Variants in MARCHF4 observed in about 807,000 individuals in gnomAD.
MARCHF4 encodes E3 ubiquitin-protein ligase MARCHF4.
In MARCHF4, 14 loss-of-function variants were observed where a neutral mutation model predicts 43.9. That is an observed-to-expected ratio of 0.32 (90% CI 0.21 to 0.50). The LOEUF (loss-of-function observed/expected upper bound fraction) is 0.50. MARCHF4 is among the 20% of genes least tolerant of loss of function. The pLI, the probability that MARCHF4 is intolerant of heterozygous loss-of-function variation, is 0.98. For synonymous variants in MARCHF4, 226 were observed against 213.3 expected (o/e 1.06, Z -0.52); for missense variants, 468 against 536.7 (o/e 0.87, Z 1.27).
At chr2:216,307,865 C>A (rs1691615460) in intron 1 of MARCHF4, among the ~76,000 whole-genome samples, 1 of 151,898 alleles carries the variant, frequency 6.6e-6, no homozygotes. Context: ...GGCAACATGG[C>A]AAGACCCCTA....
chr2:216,333,673 A>G (rs1692114503), intron 1 of MARCHF4, among the ~76,000 whole-genome samples: 1 of 152,196 alleles, frequency 6.6e-6, no homozygotes, highest in South Asian at 2.1e-4. Flanking sequence ...GTCTCCCTGC[A>G]CTAAAATAAT....
At chr2:216,362,443 A>G (rs1692598730) in intron 1 of MARCHF4, among the ~76,000 whole-genome samples, 1 of 152,246 alleles carries the variant, frequency 6.6e-6, no homozygotes, top group Non-Finnish European at 1.5e-5. Context: ...GGGTGGCTTC[A>G]AGAGGGTTCT....
chr2:216,332,519 C>T (rs1692095056), intron 1 of MARCHF4, among the ~76,000 whole-genome samples: 1 of 148,248 alleles, frequency 6.7e-6, no homozygotes, highest in Admixed American at 6.7e-5. Flanking sequence ...CGTGCCAGTG[C>T]AAAAAAAAAG....
chr2:216,287,136 C>G lies in MARCHF4; in HGVS notation c.517-3407G>C, dbSNP rs1691229738. Reference sequence around the variant, plus strand: ...CCAGGTCCCACCCCAATTCCTGGCCCAGCTCAGACCCTCAGCCAAGTCTCC... The same window carrying G: ...CCAGGTCCCACCCCAATTCCTGGCCGAGCTCAGACCCTCAGCCAAGTCTCC... On this transcript the variant is annotated intron_variant, in intron 1 of 3. Transcript: ENST00000273067. Among the ~76,000 whole-genome samples, 5 of 152,164 alleles carry G rather than the reference C, an allele frequency of 3.3e-5. No homozygotes were observed. In the South Asian group the frequency reaches 1.0e-3, roughly 32 times the overall value.
intron 1 of MARCHF4, among the ~76,000 whole-genome samples, chr2:216,324,993 G>A (rs1425799078): frequency 2.6e-5 from 4 of 151,574 alleles, no homozygotes; most frequent in Admixed American, 6.6e-5. Context: ...GGAAATAAAG[G>A]GTATTCAATT....
intron 2 of MARCHF4, among the ~76,000 whole-genome samples, chr2:216,279,685 C>T (rs1325593910): frequency 6.6e-6 from 1 of 152,230 alleles, no homozygotes; most frequent in African/African-American, 2.4e-5. Flanking sequence ...AAACATTTCA[C>T]TTGCTGGTCC....
Position 216,259,457 on chromosome 2 carries a change from TGGGCAGGGCCCTGCTCAG to T in MARCHF4, c.1070_1087del (p.Pro357_Ala362del), listed in dbSNP as rs780064681. 1 of 1,614,102 alleles carries T rather than the reference TGGGCAGGGCCCTGCTCAG, an allele frequency of 6.2e-7. No homozygotes were observed. On this transcript the variant is annotated inframe_deletion, in exon 4 of 4. Transcript: ENST00000273067. ...AGGGCCTGAGGGGTGGCCGGCAGCC[TGGGCAGGGCCCTGCTCAG>T]GGGCAGGGGTGCCTGCGGTCTCCTC... is the stretch of plus-strand genomic sequence containing the variant.
chr2:216,326,202 A>G (rs1275127437), intron 1 of MARCHF4, among the ~76,000 whole-genome samples: 5 of 152,238 alleles, frequency 3.3e-5, no homozygotes, highest in African/African-American at 9.6e-5. Flanking sequence ...CAAAAACCAC[A>G]TGAAAAAATG....
rs1407590625 is a variant in MARCHF4, at chr2:216,283,727, C to T, written c.519G>A (p.Gly173=). Residue 173 remains glycine (G), a splice_region_variant and synonymous_variant, in exon 2 of 4, where the codon GGG becomes GGA. Coordinates refer to ENST00000273067, the MANE Select transcript of MARCHF4 (RefSeq NM_020814.3). ...CACAGCGGCATGGGCTCAGCAGCTC[C>T]CCCTGCAGGGAGAGAGCACAGGGTG... The part of the protein sequence containing the change: ...CRICFQGPEQ[G]ELLSPCRCDG... The T allele has an allele frequency of 1.2e-6, 2 of 1,601,228 alleles. No homozygotes were observed. Among genetic ancestry groups the T allele is most frequent in the Non-Finnish European group, 8.5e-7 (1 of 1,169,990 alleles).
chr2:216,294,431 C>T (rs1165698439), intron 1 of MARCHF4, among the ~76,000 whole-genome samples: 1 of 152,238 alleles, frequency 6.6e-6, no homozygotes, highest in East Asian at 1.9e-4. Context: ...GCTGTGATGA[C>T]AAGTTACACT....
chr2:216,311,910 C>T lies in MARCHF4; in HGVS notation c.517-28181G>A, dbSNP rs116825409. Among the ~76,000 whole-genome samples, 312 of 152,154 alleles carry T rather than the reference C, an allele frequency of 2.1e-3. 2 individuals carry two copies. Among genetic ancestry groups the T allele is most frequent in the African/African-American group, 7.3e-3 (303 of 41,514 alleles). The stretch of plus-strand genomic sequence containing the variant: ...ATTAGGAGCAAATGGTATCCAATTG[C>T]TGTTTTAAGTTGTATACATTGATTA... On this transcript the variant is annotated intron_variant, in intron 1 of 3. Transcript: ENST00000273067.
Position 216,369,834 on chromosome 2 carries a change from TCTC to T in MARCHF4, c.424_426del (p.Glu142del), listed in dbSNP as rs763759229. ...CCCAGTGAGTAGCGATCCTCGGTCT[TCTC>T]CTTACAGAAGTCATCTGAGGAGGCA... On this transcript the variant is annotated inframe_deletion, in exon 1 of 4. Transcript: ENST00000273067. 39 of 1,613,900 alleles carry T rather than the reference TCTC, an allele frequency of 2.4e-5. No homozygotes were observed. The highest frequency in any genetic ancestry group is 3.0e-5 in the Non-Finnish European group (35 of 1,180,018).
At chr2:216,317,422 T>G (rs59856444) in intron 1 of MARCHF4, among the ~76,000 whole-genome samples, 2 of 26,812 alleles carry the variant, frequency 7.5e-5, no homozygotes, top group African/African-American at 4.1e-4. Flanking sequence ...TCCTTTTTTG[T>G]TTTTTTTTAG....
chr2:216,341,243 C>G (rs1262551859), intron 1 of MARCHF4, among the ~76,000 whole-genome samples: 12 of 152,220 alleles, frequency 7.9e-5, no homozygotes, highest in Admixed American at 7.9e-4. Flanking sequence ...TTTCCATTGT[C>G]TGAGAAATAA....
intron 3 of MARCHF4, among the ~76,000 whole-genome samples, chr2:216,269,118 T>G (rs1322022186): frequency 2.6e-5 from 4 of 152,200 alleles, no homozygotes; most frequent in African/African-American, 7.2e-5. Flanking sequence ...GAACATTCCT[T>G]TCCTTCCTTC....
Position 216,259,482 on chromosome 2 carries a change from G to A in MARCHF4, c.1063C>T (p.Pro355Ser), listed in dbSNP as rs1373509442. 2 of 1,614,190 alleles carry A rather than the reference G, an allele frequency of 1.2e-6. No homozygotes were observed. Among genetic ancestry groups the A allele is most frequent in the South Asian group, 1.1e-5 (1 of 91,084 alleles). The change falls in exon 4 of 4, where the codon CCT becomes TCT. Residue 355 changes from proline (P) to serine (S), a missense_variant. Coordinates refer to ENST00000273067, the MANE Select transcript of MARCHF4 (RefSeq NM_020814.3). Reference protein sequence around the residue: ...PSSEEETAGTPAPEQGPAQAA... With the variant: ...PSSEEETAGTSAPEQGPAQAA... ...TGGGCAGGGCCCTGCTCAGGGGCAGGGGTGCCTGCGGTCTCCTCTTCCGAG... is the reference window on the plus strand; with the variant it reads ...TGGGCAGGGCCCTGCTCAGGGGCAGAGGTGCCTGCGGTCTCCTCTTCCGAG...
At chr2:216,289,988 C>G (rs1299628670) in intron 1 of MARCHF4, among the ~76,000 whole-genome samples, 1 of 152,146 alleles carries the variant, frequency 6.6e-6, no homozygotes, top group African/African-American at 2.4e-5. Context: ...GCTCAATTAT[C>G]ATTTATTCAT....
At chr2:216,332,160 G>A (rs1286663894) in intron 1 of MARCHF4, among the ~76,000 whole-genome samples, 1 of 152,158 alleles carries the variant, frequency 6.6e-6, no homozygotes, top group African/African-American at 2.4e-5. Context: ...GGAGGCCAAG[G>A]CGAAAGGATC....
chr2:216,350,651 C>T (rs889827257), intron 1 of MARCHF4, among the ~76,000 whole-genome samples: 1 of 152,156 alleles, frequency 6.6e-6, no homozygotes, highest in South Asian at 2.1e-4. Context: ...TGCACATGCT[C>T]CTACCACCAG....
Sources: gnomAD v4.1 joint callset for allele counts (sites outside exome capture counted in the v4.1 genomes callset) on GRCh38, gnomAD v4.1.1 for gene constraint, MANE v1.5 for transcripts, NCBI Gene and HGNC (gene_info 2026-07-23, HGNC 2026-07-21) for gene names.